SPAG16: variants seen among roughly 807,000 people sequenced by gnomAD.
The protein encoded by SPAG16 is sperm associated antigen 16.
SPAG16 carries 86 observed loss-of-function variants against 80.4 expected under a neutral mutation model. The observed-to-expected ratio is 1.07, with a 90% CI of 0.90 to 1.28. SPAG16 has a LOEUF of 1.28. Ranked by LOEUF, SPAG16 falls within the 50% of genes most tolerant of loss-of-function variation. SPAG16 has a pLI of 0.00. For synonymous variants in SPAG16, 294 were observed against 265.9 expected (o/e 1.11, Z -1.03); for missense variants, 870 against 765.3 (o/e 1.14, Z -1.61).
rs73990305 is a variant in SPAG16 at position 213,360,323 on chromosome 2, G to A, written c.763-3753G>A. On this transcript the variant is annotated intron_variant, in intron 7 of 15. Transcript: ENST00000331683. ...GGTACACAGGATTGATGGAGCCAATGCAAGTCCTAGTTATAGGACAAGCTG... is the reference window on the plus strand; with the variant it reads ...GGTACACAGGATTGATGGAGCCAATACAAGTCCTAGTTATAGGACAAGCTG... Among the ~76,000 whole-genome samples the A allele has an allele frequency of 7.6e-3, 1,159 of 152,336 alleles. 27 individuals are homozygous for A. Among genetic ancestry groups the A allele is most frequent in the African/African-American group, 0.027 (1,115 of 41,562 alleles).
rs567528595 is a variant in SPAG16 at position 214,273,879 on chromosome 2, C to A, written c.1720+124613C>A. Among the ~76,000 whole-genome samples, 9 of 152,242 alleles carry A rather than the reference C, an allele frequency of 5.9e-5. No homozygotes were observed. In the East Asian group the frequency reaches 1.5e-3, roughly 26 times the overall value. On this transcript the variant is annotated intron_variant, in intron 15 of 15. Transcript: ENST00000331683. Reference sequence around the variant, plus strand: ...GGGATTGCACTGAATCTGTAAGTTACCCTGTGCAGTATGGCCATTTTCACG... The same window carrying A: ...GGGATTGCACTGAATCTGTAAGTTAACCTGTGCAGTATGGCCATTTTCACG...
intron 11 of SPAG16, among the ~76,000 whole-genome samples, chr2:213,929,711 G>A (rs2078664014): frequency 6.6e-6 from 1 of 152,040 alleles, no homozygotes; most frequent in African/African-American, 2.4e-5. Context: ...TAATCTAGAA[G>A]AATCTAGCAG....
intron 11 of SPAG16, among the ~76,000 whole-genome samples, chr2:213,872,190 G>T (rs1387706711): frequency 1.3e-5 from 2 of 152,072 alleles, no homozygotes. Flanking sequence ...AAGGCAGAAT[G>T]GTCAGAGTAA....
At chr2:214,023,371 T>C (rs62191925) in intron 13 of SPAG16, among the ~76,000 whole-genome samples, 29,806 of 151,426 alleles carry the variant, frequency 0.2, 3,626 homozygotes, top group Non-Finnish European at 0.28. Flanking sequence ...AGGAGTAGTA[T>C]TTGAGTGGCT....
chr2:213,647,482 CA>C (rs1358969442), intron 10 of SPAG16, among the ~76,000 whole-genome samples: 1 of 152,192 alleles, frequency 6.6e-6, no homozygotes, highest in African/African-American at 2.4e-5. Context: ...CCGCTGCTGG[CA>C]TACAGTGATT....
rs896372458 is a variant in SPAG16 at position 213,317,276 on chromosome 2, T to C, written c.456T>C (p.Asp152=). 6 of 1,610,692 alleles carry C rather than the reference T, an allele frequency of 3.7e-6. No homozygotes were observed. The African/African-American group carries it at 5.3e-5, about 14-fold the overall frequency. ...TELRTVGNVP[D]VYTQIMLLEN... ...TTAGAACTGTTGGGAATGTTCCAGA[T>C]GTCTACACCCAGATTATGCTTTTGG... Residue 152 remains aspartate (D), a synonymous_variant, in exon 5 of 16, where the codon GAT becomes GAC. Coordinates refer to ENST00000331683, the MANE Select transcript of SPAG16 (RefSeq NM_024532.5).
At chr2:213,628,869 T>C (rs948710092) in intron 10 of SPAG16, among the ~76,000 whole-genome samples, 4 of 152,200 alleles carry the variant, frequency 2.6e-5, no homozygotes, top group African/African-American at 7.2e-5. Context: ...ATTAATTCCC[T>C]TTATTCAGTC....
At chr2:213,702,948 C>T (rs112930603) in intron 10 of SPAG16, among the ~76,000 whole-genome samples, 5,646 of 152,170 alleles carry the variant, frequency 0.037, 350 homozygotes, top group African/African-American at 0.13. Context: ...TTCATCCACG[C>T]GCTCTACCCT....
At chr2:214,069,730 G>A (rs548117542) in intron 13 of SPAG16, among the ~76,000 whole-genome samples, 2 of 151,888 alleles carry the variant, frequency 1.3e-5, no homozygotes, top group African/African-American at 2.4e-5. Flanking sequence ...TAAGCCCTCA[G>A]TATTTTAGAA....
intron 13 of SPAG16, among the ~76,000 whole-genome samples, chr2:214,031,955 G>A (rs1325093408): frequency 6.6e-6 from 1 of 152,128 alleles, no homozygotes; most frequent in Non-Finnish European, 1.5e-5. Flanking sequence ...CTCCAACACT[G>A]AGAATTACAA....
chr2:214,088,645 TA>T (rs2051950443), intron 13 of SPAG16, among the ~76,000 whole-genome samples: 1 of 151,914 alleles, frequency 6.6e-6, no homozygotes, highest in Non-Finnish European at 1.5e-5. Flanking sequence ...TATAAATTAA[TA>T]AAATTGAAAA....
At chr2:213,472,876 G>A (rs1314291911) in intron 9 of SPAG16, among the ~76,000 whole-genome samples, 1 of 152,196 alleles carries the variant, frequency 6.6e-6, no homozygotes, top group African/African-American at 2.4e-5. Context: ...TTCCTCCAAT[G>A]CACAGTTACC....
chr2:213,990,108 C>T (rs996784167), intron 12 of SPAG16, among the ~76,000 whole-genome samples: 2 of 152,044 alleles, frequency 1.3e-5, no homozygotes, highest in African/African-American at 4.8e-5. Flanking sequence ...TCCCCTTTGA[C>T]ATTTCTACAT....
intron 10 of SPAG16, among the ~76,000 whole-genome samples, chr2:213,728,998 A>T (rs756040304): frequency 6.6e-6 from 1 of 151,070 alleles, no homozygotes; most frequent in Non-Finnish European, 1.5e-5. Flanking sequence ...AAATGTCCCA[A>T]ACTATTTATT....
chr2:213,395,779 G>C (rs1170272937), intron 9 of SPAG16, among the ~76,000 whole-genome samples: 1 of 151,920 alleles, frequency 6.6e-6, no homozygotes, highest in African/African-American at 2.4e-5. Flanking sequence ...GGAAGAATGG[G>C]GGACAGTTGA....
At chr2:214,372,895 A>G (rs1699909703) in intron 15 of SPAG16, among the ~76,000 whole-genome samples, 1 of 152,178 alleles carries the variant, frequency 6.6e-6, no homozygotes. Context: ...TAGAAATAAA[A>G]CTTGTATTGA....
chr2:213,578,318 A>G (rs553219701), intron 10 of SPAG16, among the ~76,000 whole-genome samples: 12 of 152,294 alleles, frequency 7.9e-5, no homozygotes, highest in African/African-American at 2.6e-4. Flanking sequence ...AAAGCAAACA[A>G]CAATAAGTTG....
chr2:213,848,133 G>A (rs1352759641), intron 10 of SPAG16, among the ~76,000 whole-genome samples: 1 of 152,088 alleles, frequency 6.6e-6, no homozygotes, highest in Non-Finnish European at 1.5e-5. Context: ...CTGAATACCT[G>A]TGGAGTCACT....
At chr2:213,963,500 C>T (rs2044559717) in intron 12 of SPAG16, among the ~76,000 whole-genome samples, 1 of 152,048 alleles carries the variant, frequency 6.6e-6, no homozygotes, top group Admixed American at 6.5e-5. Context: ...GTACTTTGTA[C>T]TCTGCTACTG....
Sources: allele counts gnomAD v4.1 joint callset (sites outside exome capture counted in the v4.1 genomes callset), GRCh38; gene constraint gnomAD v4.1.1; transcripts MANE v1.5; gene names NCBI Gene and HGNC (gene_info 2026-07-23, HGNC 2026-07-21).